Variants in ATRX observed in about 807,000 individuals in gnomAD.
The protein encoded by ATRX is chromatin remodeler ATRX.
Under a neutral mutation model 172.6 loss-of-function variants are expected in ATRX, and 12 were observed. The observed-to-expected ratio is 0.07, with a 90% CI of 0.04 to 0.11. ATRX has a LOEUF of 0.11. Among genes scored for constraint, ATRX ranks in the 10% least tolerant of loss-of-function variants. The pLI, the probability that ATRX is intolerant of heterozygous loss-of-function variation, is 1.00. For missense variants in ATRX, 1,368 were observed against 1,767.4 expected (o/e 0.77, Z 4.05); for synonymous variants, 674 against 594.7 (o/e 1.13, Z -1.94).
At chrX:77,758,351 T>C (rs2075588529) in intron 1 of ATRX, among the ~76,000 whole-genome samples, 1 of 104,560 alleles carries the variant, frequency 9.6e-6, no homozygotes, top group Admixed American at 1.0e-4. Flanking sequence ...GATGACGCCA[T>C]TGCACTCTAG....
chrX:77,735,112 A>T (rs1247247342), intron 1 of ATRX, among the ~76,000 whole-genome samples: 1 of 111,190 alleles, frequency 9.0e-6, no homozygotes, highest in Non-Finnish European at 1.9e-5. Flanking sequence ...AAAATAAATA[A>T]AAATAAATAA....
rs2148337036 is a variant in ATRX at position 77,633,328 on chromosome X, C to T, written c.5013G>A (p.Arg1671=). The T allele has an allele frequency of 8.3e-7, 1 of 1,211,059 alleles. No individual in the cohort carries two copies. Residue 1671 remains arginine (R), a synonymous_variant, in exon 19 of 35, where the codon AGG becomes AGA. Transcript: ENST00000373344. ...TCATAACACCACCATCTTCTTGCCA[C>T]CTCTGCAGCATGTAGCTTCTCTCCT... ...RPQERSYMLQ[R]WQEDGGVMII...
intron 2 of ATRX, among the ~76,000 whole-genome samples, chrX:77,716,320 AAAAATATATATAT>A (rs1161267168): frequency 3.5e-5 from 2 of 57,419 alleles, no homozygotes; most frequent in East Asian, 5.3e-4. Flanking sequence ...AAAAAAAAAA[AAAAATATATATAT>A]ATATATATAT....
At chrX:77,548,341 CTAG>C (rs1258424241) in intron 30 of ATRX, among the ~76,000 whole-genome samples, 5 of 111,089 alleles carry the variant, frequency 4.5e-5, no homozygotes, top group African/African-American at 1.3e-4. Context: ...TCATTTTATA[CTAG>C]TAAATACAAA....
intron 1 of ATRX, among the ~76,000 whole-genome samples, chrX:77,726,563 G>C (rs1379482199): frequency 4.5e-5 from 5 of 110,355 alleles, no homozygotes; most frequent in Non-Finnish European, 7.6e-5. Context: ...CATGGCACAT[G>C]TATGCATATG....
intron 2 of ATRX, among the ~76,000 whole-genome samples, chrX:77,704,109 A>C (rs782480202): frequency 1.8e-5 from 2 of 109,738 alleles, no homozygotes; most frequent in Admixed American, 9.6e-5. Context: ...TCTCCCCATC[A>C]TCTCTCCTTC....
At chrX:77,702,444 A>AAAT (rs199824791) in intron 2 of ATRX, among the ~76,000 whole-genome samples, 3,056 of 111,108 alleles carry the variant, frequency 0.028, 60 homozygotes, top group East Asian at 0.08. Context: ...CTATCTCAAA[A>AAAT]AATAATAATA....
At chrX:77,697,785 C>T in intron 3 of ATRX, 150 bp from the exon 4 acceptor site, 2 of 443,101 alleles carry the variant, frequency 4.5e-6, no homozygotes, top group Non-Finnish European at 7.5e-6. Flanking sequence ...ACTTCAAAAA[C>T]TAATTCTCTA....
chrX:77,649,208 G>GAGGA (rs1205771088), intron 15 of ATRX, among the ~76,000 whole-genome samples: 39 of 109,472 alleles, frequency 3.6e-4, no homozygotes, highest in Non-Finnish European at 5.9e-4. Flanking sequence ...GGAAGGAAGG[G>GAGGA]AGGAAGGAAG....
chrX:77,541,250 C>A (rs1461916905), intron 30 of ATRX, among the ~76,000 whole-genome samples: 1 of 112,211 alleles, frequency 8.9e-6, no homozygotes, highest in African/African-American at 3.2e-5. Context: ...CACATGCACC[C>A]TCCCAAGTCT....
At chrX:77,614,731 G>A (rs1557095806) in intron 22 of ATRX, among the ~76,000 whole-genome samples, 1 of 111,027 alleles carries the variant, frequency 9.0e-6, no homozygotes, top group Non-Finnish European at 1.9e-5. Context: ...GAAACATTTC[G>A]AGTCCTCTCT....
chrX:77,768,038 G>C (rs1198447020), intron 1 of ATRX, among the ~76,000 whole-genome samples: 1 of 111,833 alleles, frequency 8.9e-6, no homozygotes, highest in Non-Finnish European at 1.9e-5. Flanking sequence ...GTTATCATAA[G>C]ACCCAGAACT....
chrX:77,591,147 T>C (rs2066232760), intron 26 of ATRX, among the ~76,000 whole-genome samples: 1 of 111,987 alleles, frequency 8.9e-6, no homozygotes, highest in African/African-American at 3.2e-5. Context: ...AAATAAATTA[T>C]AAAAGCAAGC....
Position 77,697,622 on chromosome X carries a change from G to A in ATRX, c.203C>T (p.Ser68Leu), listed in dbSNP as rs2148681551. Reference sequence around the variant, plus strand: ...CGATCCTGAAGACTTGGATTTTTCTGAAGAGCTAGTTCCCTAGATGTGAGA... The same window carrying A: ...CGATCCTGAAGACTTGGATTTTTCTAAAGAGCTAGTTCCCTAGATGTGAGA... ...ENSKEEGTSS[S>L]EKSKSSGSSR... Residue 68 changes from serine (S) to leucine (L), a missense_variant, in exon 4 of 35, where the codon TCA (serine) becomes TTA (leucine). Around this residue, in one of 17 missense-constraint regions of ATRX, gnomAD observed 84 missense variants for 82.8 expected, o/e 1.01. Transcript: ENST00000373344. 1 of 1,209,518 alleles carries A rather than the reference G, an allele frequency of 8.3e-7. No individual in the cohort carries two copies. The highest frequency in any genetic ancestry group is 1.8e-5 in the South Asian group (1 of 56,742).
intron 1 of ATRX, among the ~76,000 whole-genome samples, chrX:77,734,068 G>A (rs1316800355): frequency 9.3e-6 from 1 of 107,955 alleles, no homozygotes; most frequent in African/African-American, 3.4e-5. Flanking sequence ...TTAGCCAGGC[G>A]TGGTGGCATG....
intron 2 of ATRX, among the ~76,000 whole-genome samples, chrX:77,714,520 T>G (rs1557163582): frequency 1.8e-5 from 2 of 111,848 alleles, no homozygotes; most frequent in South Asian, 7.5e-4. Flanking sequence ...AATCATAACT[T>G]TAGACTGGGT....
intron 1 of ATRX, among the ~76,000 whole-genome samples, chrX:77,763,285 C>T (rs1022485431): frequency 1.6e-4 from 17 of 108,140 alleles, no homozygotes; most frequent in Non-Finnish European, 7.6e-5. Context: ...GCTGGGATTA[C>T]AGGTGCCTGC....
At chrX:77,742,574 T>C (rs892292832) in intron 1 of ATRX, among the ~76,000 whole-genome samples, 10 of 112,092 alleles carry the variant, frequency 8.9e-5, no homozygotes, top group Non-Finnish European at 1.1e-4. Context: ...AGAGCTAAAA[T>C]TGTGTAGACA....
intron 2 of ATRX, among the ~76,000 whole-genome samples, chrX:77,712,448 T>C (rs1380553475): frequency 8.9e-6 from 1 of 112,506 alleles, no homozygotes; most frequent in African/African-American, 3.2e-5. Context: ...TACTGAACTA[T>C]AGTTACGTTT....
Sources: gnomAD v4.1 joint callset for allele counts (sites outside exome capture counted in the v4.1 genomes callset) on GRCh38, gnomAD v4.1.1 for gene constraint, gnomAD v4.1.1 regional missense constraint, MANE v1.5 for transcripts, NCBI Gene and HGNC (gene_info 2026-07-23, HGNC 2026-07-21) for gene names.